The following NPR1 variants were observed in gnomAD, a reference collection of about 807,000 sequenced individuals.
NPR1 encodes the protein natriuretic peptide receptor 1, also known as atrial natriuretic peptide receptor 1.
Under a neutral mutation model 116.9 loss-of-function variants are expected in NPR1, and 57 were observed. The observed-to-expected ratio is 0.49, with a 90% CI of 0.39 to 0.61. The LOEUF (loss-of-function observed/expected upper bound fraction) is 0.61, where lower values mean the gene tolerates loss of function less well. Among genes scored for constraint, NPR1 ranks in the 20% least tolerant of loss-of-function variants. NPR1 has a pLI of 0.00. For missense variants in NPR1, 1,096 were observed against 1,409.8 expected (o/e 0.78, Z 3.56); for synonymous variants, 555 against 601.6 (o/e 0.92, Z 1.13).
Position 153,679,034 on chromosome 1 carries a change from GACC to G in NPR1, c.-74_-72del. On this transcript the variant is annotated 5_prime_UTR_variant, in exon 1 of 22. Coordinates refer to ENST00000368680, the MANE Select transcript of NPR1 (RefSeq NM_000906.4). This position sits in a 1 kb window ranked among gnomAD's most constrained non-coding sequence, Gnocchi z 4.2. ...CCATAGGGACGCGCCTGATGCCTGG[GACC>G]GGCCGCTGAGCCCAAGGGGACCGAG... The G allele has an allele frequency of 7.3e-7, 1 of 1,370,128 alleles. No homozygotes were observed. The highest frequency in any genetic ancestry group is 9.4e-7 in the Non-Finnish European group (1 of 1,068,704). 84.9% of individuals were successfully genotyped at this position (1,370,128 alleles called of 1,614,324 possible).
rs141161155 is a variant in NPR1, at chr1:153,680,554, C to T, written c.775C>T (p.Leu259=). 9 of 1,614,220 alleles carry T rather than the reference C, an allele frequency of 5.6e-6. No individual in the cohort carries two copies. The African/African-American group carries it at 1.1e-4, about 19-fold the overall frequency. ...CTTCAGAACCCTCATGCTCCTGGCC[C>T]TGGAAGCTGGCTTGTGTGGGGAGGA... ...DAFRTLMLLA[L]EAGLCGEDYV... Residue 259 remains leucine, a synonymous_variant, in exon 2 of 22, where the codon CTG becomes TTG. Transcript: ENST00000368680.
Position 153,688,070 on chromosome 1 carries a change from ACT to A in NPR1, c.2268_2269del (p.Arg757GlyfsTer2). The A allele has an allele frequency of 6.2e-7, 1 of 1,609,656 alleles. No homozygotes were observed. The highest frequency in any genetic ancestry group is 8.5e-7 in the Non-Finnish European group (1 of 1,177,936). The stretch of plus-strand genomic sequence containing the variant: ...CAATACAGAGATCATCGAGCGGGTG[ACT>A]CGGGGTGAGCAGCCCCCCTTCCGGC... ...LSPKEIIERV[T>X]RGEQPPFRPS... On this transcript the variant is annotated frameshift_variant, in exon 15 of 22. Coordinates refer to ENST00000368680, the MANE Select transcript of NPR1 (RefSeq NM_000906.4). LOFTEE classifies it high-confidence loss of function.
At position 153,687,329 on chromosome 1, in the gene NPR1, C is replaced by T. The variant is rs1423244912; in HGVS notation, c.2065C>T (p.Pro689Ser). The T allele has an allele frequency of 6.2e-7, 1 of 1,613,954 alleles. No homozygotes were observed. The highest frequency in any genetic ancestry group is 8.5e-7 in the Non-Finnish European group (1 of 1,179,984). ...GCTGGAGAGCTTCAGGGACCTGGAC[C>T]CAGAGCAAGGACACACCGTTTATGC... ...YGLESFRDLD[P>S]EQGHTVYAKK... The change falls in exon 13 of 22, where the codon CCA (proline) becomes TCA (serine). Residue 689 changes from proline (P) to serine (S), a missense_variant. By Grantham distance (74) the Pro-to-Ser change is moderately conservative (BLOSUM62 -1). Coordinates refer to ENST00000368680, the MANE Select transcript of NPR1 (RefSeq NM_000906.4).
At chr1:153,688,826 G>A in intron 15 of NPR1, 127 bp from the exon 16 acceptor site, 1 of 1,122,430 alleles carries the variant, frequency 8.9e-7, no homozygotes, top group Non-Finnish European at 1.3e-6. Flanking sequence ...ATCCTGCTAT[G>A]CCCTCAACCC....
At position 153,689,268 on chromosome 1, in the gene NPR1, T is replaced by C. The variant is rs1424949240; in HGVS notation, c.2645T>C (p.Ile882Thr). The C allele has an allele frequency of 3.7e-6, 6 of 1,614,092 alleles. No individual in the cohort carries two copies. Among genetic ancestry groups the C allele is most frequent in the Admixed American group, 1.7e-5 (1 of 60,014 alleles). Residue 882 changes from isoleucine (I) to threonine (T), a missense_variant, in exon 17 of 22, where the codon ATT becomes ACT. Physicochemically the swap from Ile to Thr is moderately conservative, Grantham distance 89. Transcript: ENST00000368680. The surrounding 1 kb of genome is among the most constrained non-coding windows in gnomAD (Gnocchi z 5.1). ...AGTGTTACCATCTACTTCAGTGACA[T>C]TGTGGGTTTCACAGCGCTGTCGGCG... ...FDSVTIYFSD[I>T]VGFTALSAES...
chr1:153,691,796 G>A (rs1670114854), intron 20 of NPR1, among the ~76,000 whole-genome samples: 1 of 151,926 alleles, frequency 6.6e-6, no homozygotes, highest in Non-Finnish European at 1.5e-5. Context: ...CTACTCAGGA[G>A]GCTGAGACAT....
intron 13 of NPR1, 87 bp downstream of exon 13, chr1:153,687,443 G>A: frequency 6.5e-7 from 1 of 1,532,556 alleles, no homozygotes; most frequent in African/African-American, 1.4e-5. Context: ...GCTTGGGCAT[G>A]CTTGTCCTGA....
Position 153,682,596 on chromosome 1 carries a change from T to C in NPR1, c.1263+7T>C. 1.2e-6 allele frequency: 2 copies of C among 1,608,580 alleles called. No homozygotes were observed. Among genetic ancestry groups the C allele is most frequent in the Non-Finnish European group, 1.7e-6 (2 of 1,175,136 alleles). On this transcript the variant is annotated splice_region_variant and intron_variant, in intron 5 of 21. Transcript: ENST00000368680. ...CGAGAATGGTGCCTTCAGGGTAAGT[T>C]TGTGCACCCAGAAGACAGTGCCAAT...
At chr1:153,692,340 C>T in intron 20 of NPR1, among the ~76,000 whole-genome samples, 1 of 152,102 alleles carries the variant, frequency 6.6e-6, no homozygotes, top group Non-Finnish European at 1.5e-5. Flanking sequence ...AGTGCCAGCT[C>T]CTAACCACCA....
intron 8 of NPR1, 134 bp downstream of exon 8, chr1:153,685,218 T>G (rs1207486944): frequency 8.3e-7 from 1 of 1,197,632 alleles, no homozygotes; most frequent in African/African-American, 1.5e-5. Context: ...CTTGAGCGAC[T>G]CATAGTCCCT....
Position 153,692,508 on chromosome 1 carries a change from A to AT in NPR1, c.3032-581dup, listed in dbSNP as rs35874998. On this transcript the variant is annotated intron_variant, in intron 20 of 21. Coordinates refer to ENST00000368680, the MANE Select transcript of NPR1 (RefSeq NM_000906.4). ...TGTGACGGGTGCAACTGAGGCCCTG[A>AT]TTTTTTTTTTTTTTTTTGGAGACAG... Among the ~76,000 whole-genome samples, 893 of 136,934 alleles carry AT rather than the reference A, an allele frequency of 6.5e-3. 7 individuals are homozygous for AT. Among genetic ancestry groups the AT allele is most frequent in the African/African-American group, 0.017 (638 of 37,038 alleles). 89.8% of individuals were successfully genotyped at this position (136,934 alleles called of 152,430 possible). A position where few individuals can be genotyped will look rare whatever the true frequency, so the allele number is the denominator to read the frequency against.
At position 153,681,187 on chromosome 1, in the gene NPR1, A is replaced by G; in HGVS notation, c.929A>G (p.Lys310Arg). The G allele has an allele frequency of 1.9e-6, 3 of 1,607,210 alleles. No individual in the cohort carries two copies. The highest frequency in any genetic ancestry group is 2.6e-6 in the Non-Finnish European group (3 of 1,173,686). The change falls in exon 3 of 22, where the codon AAA becomes AGA. Residue 310 changes from lysine to arginine, a missense_variant. By Grantham distance (26) the Lys-to-Arg change is conservative (BLOSUM62 2). Transcript: ENST00000368680. ...VSARQAFQAA[K>R]IITYKDPDNP... ...CACTGACCCCTTTCTCAGGCTGCCA[A>G]AATCATTACATATAAAGACCCAGAT...
Position 153,693,824 on chromosome 1 carries a change from C to T in NPR1, c.*410C>T, listed in dbSNP as rs1670171401. On this transcript the variant is annotated 3_prime_UTR_variant, in exon 22 of 22. Coordinates refer to ENST00000368680, the MANE Select transcript of NPR1 (RefSeq NM_000906.4). ...GAAAAGAGACTAGGTGAAGAGAGGGCAGGGGAGCCCACATCTGGGGCTGGC... is the reference window on the plus strand; with the variant it reads ...GAAAAGAGACTAGGTGAAGAGAGGGTAGGGGAGCCCACATCTGGGGCTGGC... 5.0e-6 allele frequency: 2 copies of T among 402,448 alleles called. No individual in the cohort carries two copies. The highest frequency in any genetic ancestry group is 8.7e-6 in the Non-Finnish European group (2 of 228,834). The allele number at this position is 402,448 out of a possible 1,614,324, so 24.9% of individuals were successfully genotyped here.
chr1:153,679,273 G>A lies in NPR1; in HGVS notation c.165G>A (p.Val55=), dbSNP rs747596472. The A allele has an allele frequency of 4.0e-5, 61 of 1,528,242 alleles. 1 individual carries two copies. In the South Asian group the frequency reaches 6.0e-4, roughly 15 times the overall value. The allele number at this position is 1,528,242 out of a possible 1,614,324, so 94.7% of individuals were successfully genotyped here. A position where few individuals can be genotyped will look rare whatever the true frequency, so the allele number is the denominator to read the frequency against. ...NTSYPWSWAR[V]GPAVELALAQ... is the part of the protein sequence containing the mutation. Reference sequence around the variant, plus strand: ...CGTACCCCTGGTCGTGGGCGCGCGTGGGACCCGCCGTGGAGCTGGCCCTGG... The same window carrying A: ...CGTACCCCTGGTCGTGGGCGCGCGTAGGACCCGCCGTGGAGCTGGCCCTGG... The change falls in exon 1 of 22, where the codon GTG becomes GTA. Residue 55 remains valine, a synonymous_variant. Coordinates refer to ENST00000368680, the MANE Select transcript of NPR1 (RefSeq NM_000906.4). This position sits in a 1 kb window ranked among gnomAD's most constrained non-coding sequence, Gnocchi z 4.2.
Position 153,690,063 on chromosome 1 carries a change from C to T in NPR1, c.2932+83C>T, listed in dbSNP as rs1271072109. 4 of 1,215,472 alleles carry T rather than the reference C, an allele frequency of 3.3e-6. No homozygotes were observed. The African/African-American group carries it at 4.6e-5, about 14-fold the overall frequency. The allele number at this position is 1,215,472 out of a possible 1,614,324, so 75.3% of individuals were successfully genotyped here. ...TTGTCCCCTGGCCCAGCCCCTCGCC[C>T]TTTCATCTCTCTCTCTCTCTCTCTC... On this transcript the variant is annotated intron_variant, in intron 19 of 21. Transcript: ENST00000368680.
rs1434389855 is a variant in NPR1 at position 153,689,342 on chromosome 1, C to G, written c.2688+31C>G. 5 of 1,614,166 alleles carry G rather than the reference C, an allele frequency of 3.1e-6. No individual in the cohort carries two copies. The highest frequency in any genetic ancestry group is 4.2e-6 in the Non-Finnish European group (5 of 1,180,026). ...CCAGGGTTCAGCCACAGGTGCCAGG[C>G]AAGCTCAGCATCTGGATCCCACCAG... On this transcript the variant is annotated intron_variant, in intron 17 of 21. Coordinates refer to ENST00000368680, the MANE Select transcript of NPR1 (RefSeq NM_000906.4). This position sits in a 1 kb window ranked among gnomAD's most constrained non-coding sequence, Gnocchi z 5.1.
At chr1:153,687,123 GGGGCCA>G in intron 12 of NPR1, 36 bp downstream of exon 12, 1 of 1,613,848 alleles carries the variant, frequency 6.2e-7, no homozygotes, top group South Asian at 1.1e-5. Flanking sequence ...GTGTAGAGCA[GGGGCCA>G]GGCATGCTTC....
At chr1:153,688,912 G>T (rs757394675) in intron 15 of NPR1, 41 bp from the exon 16 acceptor site, 3 of 1,612,958 alleles carry the variant, frequency 1.9e-6, no homozygotes, top group Non-Finnish European at 2.5e-6. Flanking sequence ...AGGCTGTGCT[G>T]CTCCTCTCTT....
In NPR1 at chr1:153,689,273, G is replaced by T; in HGVS notation, c.2650G>T (p.Gly884Cys). The T allele has an allele frequency of 1.2e-6, 2 of 1,614,200 alleles. No individual in the cohort carries two copies. Among genetic ancestry groups the T allele is most frequent in the Non-Finnish European group, 1.7e-6 (2 of 1,180,038 alleles). Residue 884 changes from glycine to cysteine, a missense_variant, in exon 17 of 22, where the codon GGT becomes TGT. By Grantham distance (159) the Gly-to-Cys change is radical (BLOSUM62 -3). Transcript: ENST00000368680. This position sits in a 1 kb window ranked among gnomAD's most constrained non-coding sequence, Gnocchi z 5.1. ...SVTIYFSDIV[G>C]FTALSAESTP... ...TACCATCTACTTCAGTGACATTGTG[G>T]GTTTCACAGCGCTGTCGGCGGAGAG...
Sources: allele counts gnomAD v4.1 joint callset (sites outside exome capture counted in the v4.1 genomes callset), GRCh38; gene constraint gnomAD v4.1.1; non-coding constraint Gnocchi (gnomAD v3.1); transcripts MANE v1.5; gene names NCBI Gene and HGNC (gene_info 2026-07-23, HGNC 2026-07-21).